Variants in LRRC7 observed in about 807,000 individuals in gnomAD.
The protein encoded by LRRC7 is leucine-rich repeat-containing protein 7.
LRRC7 carries 23 observed loss-of-function variants against 175.7 expected under a neutral mutation model. That is an observed-to-expected ratio of 0.13 (90% CI 0.09 to 0.19). The LOEUF is 0.19. Ranked by LOEUF, LRRC7 falls within the 10% of genes least tolerant of loss-of-function variation. The pLI, the probability that LRRC7 is intolerant of heterozygous loss-of-function variation, is 1.00. For missense variants in LRRC7, 1,354 were observed against 1,904.7 expected (o/e 0.71, Z 5.38); for synonymous variants, 685 against 680.9 (o/e 1.01, Z -0.09).
intron 23 of LRRC7, among the ~76,000 whole-genome samples, chr1:70,056,985 A>G (rs1661202893): frequency 6.6e-6 from 1 of 151,752 alleles, no homozygotes; most frequent in South Asian, 2.1e-4. Flanking sequence ...CAGCAAAAGC[A>G]ATTTGCTTAA....
Position 69,585,517 on chromosome 1 carries a change from G to T in LRRC7, c.2+16876G>T, listed in dbSNP as rs996209767. 2.0e-5 allele frequency among the ~76,000 whole-genome samples: 3 copies of T among 152,126 alleles called. No homozygotes were observed. In the East Asian group the frequency reaches 5.8e-4, roughly 29 times the overall value. Reference sequence around the variant, plus strand: ...TTGCATAGATCAGGCTAGATGAAATGCAAAGCTTCTAAAAAGTTGATAAAT... The same window carrying T: ...TTGCATAGATCAGGCTAGATGAAATTCAAAGCTTCTAAAAAGTTGATAAAT... On this transcript the variant is annotated intron_variant, in intron 1 of 26. Coordinates refer to ENST00000651989, the MANE Select transcript of LRRC7 (RefSeq NM_001370785.2).
chr1:69,799,526 CA>C (rs1676212611), intron 4 of LRRC7, among the ~76,000 whole-genome samples: 1 of 152,088 alleles, frequency 6.6e-6, no homozygotes, highest in Non-Finnish European at 1.5e-5. Flanking sequence ...CATGTTGCAG[CA>C]AAAGACATGA....
At chr1:70,100,862 T>C (rs1159087571) in intron 25 of LRRC7, among the ~76,000 whole-genome samples, 1 of 152,110 alleles carries the variant, frequency 6.6e-6, no homozygotes, top group African/African-American at 2.4e-5. Flanking sequence ...TTGATGCATA[T>C]AAATTTATCA....
intron 1 of LRRC7, among the ~76,000 whole-genome samples, chr1:69,674,552 A>G (rs1386043457): frequency 6.6e-6 from 1 of 152,162 alleles, no homozygotes; most frequent in Non-Finnish European, 1.5e-5. Context: ...AAAATTTTGA[A>G]ATATTTTCTA....
At chr1:69,728,053 G>C (rs949657696) in intron 2 of LRRC7, among the ~76,000 whole-genome samples, 1 of 152,124 alleles carries the variant, frequency 6.6e-6, no homozygotes, top group African/African-American at 2.4e-5. Flanking sequence ...AGTCACCTGA[G>C]ATGTGTATTT....
chr1:69,746,019 T>C (rs1669219257), intron 2 of LRRC7, among the ~76,000 whole-genome samples: 1 of 151,882 alleles, frequency 6.6e-6, no homozygotes, highest in Non-Finnish European at 1.5e-5. Flanking sequence ...TCTGTGCCAG[T>C]GTACAAATAC....
chr1:70,135,469 A>G lies in LRRC7; in HGVS notation c.*13582A>G, dbSNP rs1030896547. On this transcript the variant is annotated 3_prime_UTR_variant, in exon 27 of 27. Transcript: ENST00000651989. ...CATCTAGGCTGGGTTGGGGTGCAGGACCCCCAGCAGCTGTGGGAAGAGAAG... is the reference window on the plus strand; with the variant it reads ...CATCTAGGCTGGGTTGGGGTGCAGGGCCCCCAGCAGCTGTGGGAAGAGAAG... Among the ~76,000 whole-genome samples, 1 of 152,034 alleles carries G rather than the reference A, an allele frequency of 6.6e-6. No homozygotes were observed. The highest frequency in any genetic ancestry group is 2.4e-5 in the African/African-American group (1 of 41,384).
chr1:69,785,559 C>A (rs1224928106), intron 3 of LRRC7, among the ~76,000 whole-genome samples: 5 of 152,162 alleles, frequency 3.3e-5, no homozygotes, highest in African/African-American at 1.2e-4. Flanking sequence ...GTTGCTACTT[C>A]TGAGTCTTTT....
chr1:70,093,596 T>C (rs61784294), intron 25 of LRRC7, among the ~76,000 whole-genome samples: 3,479 of 152,238 alleles, frequency 0.023, 59 homozygotes, highest in Non-Finnish European at 0.035. Context: ...TATTCTAATA[T>C]TGAGAGTATT....
chr1:69,945,806 A>G (rs1649244982), intron 8 of LRRC7, among the ~76,000 whole-genome samples: 1 of 152,136 alleles, frequency 6.6e-6, no homozygotes, highest in Admixed American at 6.6e-5. Flanking sequence ...TTTTCTGTAT[A>G]AAAACTCTAT....
chr1:69,753,792 G>C (rs1670108057), intron 2 of LRRC7, among the ~76,000 whole-genome samples: 2 of 152,002 alleles, frequency 1.3e-5, no homozygotes, highest in African/African-American at 4.8e-5. Flanking sequence ...AAAGAAGATT[G>C]ATATTGAGTG....
intron 15 of LRRC7, among the ~76,000 whole-genome samples, chr1:70,020,047 C>T (rs543632784): frequency 6.6e-6 from 1 of 151,902 alleles, no homozygotes; most frequent in African/African-American, 2.4e-5. Context: ...AGGAATTAGC[C>T]TAGCTGAGTT....
At chr1:69,655,510 T>C (rs1258355787) in intron 1 of LRRC7, among the ~76,000 whole-genome samples, 7 of 152,054 alleles carry the variant, frequency 4.6e-5, no homozygotes, top group Non-Finnish European at 1.0e-4. Flanking sequence ...ACCTGTCTTC[T>C]TTTTCCTTTT....
intron 11 of LRRC7, among the ~76,000 whole-genome samples, chr1:70,001,014 C>T (rs182071465): frequency 2.0e-4 from 31 of 152,222 alleles, no homozygotes; most frequent in East Asian, 1.5e-3. Context: ...TGATACTTTT[C>T]GCAACCTATA....
At chr1:69,778,337 G>A (rs528946160) in intron 3 of LRRC7, among the ~76,000 whole-genome samples, 1 of 152,302 alleles carries the variant, frequency 6.6e-6, no homozygotes, top group South Asian at 2.1e-4. Context: ...ACTAATGTGT[G>A]TCTGCCTCCC....
At chr1:69,746,686 A>G (rs182178488) in intron 2 of LRRC7, among the ~76,000 whole-genome samples, 21 of 152,234 alleles carry the variant, frequency 1.4e-4, no homozygotes, top group Admixed American at 1.4e-3. Context: ...TCTGTGGTCT[A>G]ATAAACAGCT....
intron 7 of LRRC7, among the ~76,000 whole-genome samples, chr1:69,909,692 C>A (rs1646458238): frequency 6.6e-6 from 1 of 152,018 alleles, no homozygotes. Context: ...TTCTCTCTGG[C>A]TGCCTTTAAC....
intron 21 of LRRC7, among the ~76,000 whole-genome samples, chr1:70,041,431 C>T (rs1433067478): frequency 6.6e-6 from 1 of 152,212 alleles, no homozygotes; most frequent in African/African-American, 2.4e-5. Context: ...TTTGCTCAGT[C>T]CCATTGAAGG....
intron 24 of LRRC7, among the ~76,000 whole-genome samples, chr1:70,088,873 G>A (rs569413528): frequency 2.6e-5 from 4 of 152,048 alleles, no homozygotes; most frequent in East Asian, 3.9e-4. Flanking sequence ...ATCCCAAGGC[G>A]GACCCTACCC....
Sources: allele counts gnomAD v4.1 joint callset (sites outside exome capture counted in the v4.1 genomes callset), GRCh38; gene constraint gnomAD v4.1.1; transcripts MANE v1.5; gene names NCBI Gene and HGNC (gene_info 2026-07-23, HGNC 2026-07-21).